The following SLCO3A1 variants were observed in gnomAD, a reference collection of about 807,000 sequenced individuals.
SLCO3A1 encodes the protein solute carrier organic anion transporter family member 3A1.
Under a neutral mutation model 63.1 loss-of-function variants are expected in SLCO3A1, and 27 were observed. That is an observed-to-expected ratio of 0.43 (90% CI 0.32 to 0.59). The LOEUF is 0.59. SLCO3A1 is among the 20% of genes least tolerant of loss of function. The pLI is 0.09. For synonymous variants in SLCO3A1, 473 were observed against 409.9 expected (o/e 1.15, Z -1.86); for missense variants, 773 against 945.8 (o/e 0.82, Z 2.40).
rs1346672593 is a variant in SLCO3A1, at chr15:91,992,342, C to T, written c.646+75884C>T. On this transcript the variant is annotated intron_variant, in intron 2 of 9. Transcript: ENST00000318445. ...AGCACTTCCACCCAATATTTACCGG[C>T]TTTCACTGCACATTCATACTGGGAA... 6.6e-5 allele frequency among the ~76,000 whole-genome samples: 10 copies of T among 152,218 alleles called. No individual in the cohort carries two copies. In the East Asian group the frequency reaches 1.7e-3, roughly 26 times the overall value.
At chr15:92,017,921 G>A (rs1292647636) in intron 2 of SLCO3A1, among the ~76,000 whole-genome samples, 1 of 152,194 alleles carries the variant, frequency 6.6e-6, no homozygotes, top group Non-Finnish European at 1.5e-5. Context: ...ACTCCTGGAA[G>A]GGCAGGAGGC....
intron 1 of SLCO3A1, among the ~76,000 whole-genome samples, chr15:91,879,498 G>T (rs117790781): frequency 6.7e-6 from 1 of 149,484 alleles, no homozygotes; most frequent in Non-Finnish European, 1.5e-5. Context: ...AATGGTGTGG[G>T]TATACAACCG....
In SLCO3A1 at chr15:91,875,883, C is replaced by A. The variant is rs1897387173; in HGVS notation, c.180+21795C>A. Among the ~76,000 whole-genome samples, 1 of 152,190 alleles carries A rather than the reference C, an allele frequency of 6.6e-6. No individual in the cohort carries two copies. Among genetic ancestry groups the A allele is most frequent in the Non-Finnish European group, 1.5e-5 (1 of 68,022 alleles). On this transcript the variant is annotated intron_variant, in intron 1 of 9. Coordinates refer to ENST00000318445, the MANE Select transcript of SLCO3A1 (RefSeq NM_013272.4). This position sits in a 1 kb window ranked among gnomAD's most constrained non-coding sequence, Gnocchi z 4.5. ...TCATCATGTGACAGAAACCATATTGCCTGCAAGTAATATGGCCTGCAAAGC... is the reference window on the plus strand; with the variant it reads ...TCATCATGTGACAGAAACCATATTGACTGCAAGTAATATGGCCTGCAAAGC...
At chr15:92,072,194 T>C (rs2047223801) in intron 2 of SLCO3A1, among the ~76,000 whole-genome samples, 1 of 149,850 alleles carries the variant, frequency 6.7e-6, no homozygotes. Context: ...CCACCATTCT[T>C]TTTTTTGGTT....
intron 2 of SLCO3A1, among the ~76,000 whole-genome samples, chr15:92,027,164 A>C (rs1279607525): frequency 6.6e-6 from 1 of 152,156 alleles, no homozygotes; most frequent in Non-Finnish European, 1.5e-5. Context: ...GGGAGTTGTC[A>C]TGAGCTCTCT....
chr15:92,140,576 G>C (rs1003327642), intron 7 of SLCO3A1, among the ~76,000 whole-genome samples: 10 of 152,056 alleles, frequency 6.6e-5, no homozygotes, highest in African/African-American at 2.4e-4. Context: ...TTGACAGTGG[G>C]GTGTTACAAG....
At chr15:92,083,429 A>C (rs902754645) in intron 2 of SLCO3A1, among the ~76,000 whole-genome samples, 2 of 152,144 alleles carry the variant, frequency 1.3e-5, no homozygotes, top group African/African-American at 4.8e-5. Context: ...GGATCTGAGC[A>C]GAGGTTTGAG....
At chr15:92,128,512 G>A in intron 7 of SLCO3A1, 23 bp downstream of exon 7, 1 of 1,572,462 alleles carries the variant, frequency 6.4e-7, no homozygotes, top group Non-Finnish European at 8.6e-7. Context: ...GGCAGGGGAT[G>A]GGGCAGGGGA....
intron 2 of SLCO3A1, among the ~76,000 whole-genome samples, chr15:91,921,977 C>T (rs7175919): frequency 3.9e-5 from 6 of 152,076 alleles, no homozygotes; most frequent in African/African-American, 7.2e-5. Flanking sequence ...TCAAGTGCTC[C>T]GCCTGCCTCG....
rs1597066970 is a variant in SLCO3A1, at chr15:91,863,314, C to T, written c.180+9226C>T. ...CCAGCTCCCCTTCTCTCCAGGGGTA[C>T]AGGAGGCTTGTCCTGGGTCTGTGGT... On this transcript the variant is annotated intron_variant, in intron 1 of 9. Transcript: ENST00000318445. This position sits in a 1 kb window ranked among gnomAD's most constrained non-coding sequence, Gnocchi z 4.3. 6.6e-6 allele frequency among the ~76,000 whole-genome samples: 1 copy of T among 152,362 alleles called. No homozygotes were observed. The highest frequency in any genetic ancestry group is 2.4e-5 in the African/African-American group (1 of 41,592).
At position 91,974,124 on chromosome 15, in the gene SLCO3A1, A is replaced by C. The variant is rs1517617; in HGVS notation, c.646+57666A>C. Among the ~76,000 whole-genome samples, 731 of 152,104 alleles carry C rather than the reference A, an allele frequency of 4.8e-3. 3 individuals carry two copies. Among genetic ancestry groups the C allele is most frequent in the Non-Finnish European group, 8.1e-3 (549 of 67,994 alleles). ...ACCCAAAGCCATCTGGAAAAGACTC[A>C]CGGGATGTGGGACATCACTCAAGGC... On this transcript the variant is annotated intron_variant, in intron 2 of 9. Coordinates refer to ENST00000318445, the MANE Select transcript of SLCO3A1 (RefSeq NM_013272.4).
At chr15:91,975,147 C>T (rs1174943020) in intron 2 of SLCO3A1, among the ~76,000 whole-genome samples, 1 of 152,206 alleles carries the variant, frequency 6.6e-6, no homozygotes, top group Admixed American at 6.5e-5. Flanking sequence ...GTGTTATTCT[C>T]TTTTTACCAT....
chr15:91,855,758 G>T (rs188128794), intron 1 of SLCO3A1, among the ~76,000 whole-genome samples: 1 of 152,206 alleles, frequency 6.6e-6, no homozygotes, highest in East Asian at 1.9e-4. Context: ...ATATATGTGG[G>T]TCTGTACTGT....
At position 91,938,135 on chromosome 15, in the gene SLCO3A1, A is replaced by G. The variant is rs1018439100; in HGVS notation, c.646+21677A>G. Among the ~76,000 whole-genome samples the G allele has an allele frequency of 7.9e-5, 12 of 152,332 alleles. No homozygotes were observed. The South Asian group carries it at 2.5e-3, about 32-fold the overall frequency. On this transcript the variant is annotated intron_variant, in intron 2 of 9. Transcript: ENST00000318445. ...GTTTTTGGAGATGAATTCAAATGCC[A>G]TCTCTGCCAGTGACCCTGCACAAGC...
At chr15:92,168,123 A>G (rs1160524360), downstream of SLCO3A1, among the ~76,000 whole-genome samples, 1 of 152,234 alleles carries the variant, frequency 6.6e-6, no homozygotes, top group Non-Finnish European at 1.5e-5. Context: ...GAACACAAAC[A>G]AAACCAATGG....
chr15:92,098,531 T>A (rs1014791427), intron 3 of SLCO3A1, among the ~76,000 whole-genome samples: 2 of 152,238 alleles, frequency 1.3e-5, no homozygotes, highest in African/African-American at 4.8e-5. Flanking sequence ...ACGGACTTAG[T>A]AGCAGAGTAC....
chr15:91,880,401 C>CTGTGTGTGTGTGTGTGTGTG (rs796110200), intron 1 of SLCO3A1, among the ~76,000 whole-genome samples: 29 of 133,478 alleles, frequency 2.2e-4, no homozygotes, highest in East Asian at 1.7e-3. Context: ...CTCTCTCTCT[C>CTGTGTGTGTGTGTGTGTGTG]TCTCTCTCTG....
chr15:92,056,052 T>G (rs2047017390), intron 2 of SLCO3A1, among the ~76,000 whole-genome samples: 1 of 152,216 alleles, frequency 6.6e-6, no homozygotes, highest in Middle Eastern at 3.4e-3. Flanking sequence ...GGTGGTATTT[T>G]CTCTGTTTTT....
At chr15:92,041,766 T>C (rs746266653) in intron 2 of SLCO3A1, among the ~76,000 whole-genome samples, 2 of 152,180 alleles carry the variant, frequency 1.3e-5, no homozygotes, top group Non-Finnish European at 2.9e-5. Context: ...CGAAATACCA[T>C]CTTAGGTACA....
Sources: gnomAD v4.1 joint callset for allele counts (sites outside exome capture counted in the v4.1 genomes callset) on GRCh38, gnomAD v4.1.1 for gene constraint, Gnocchi (gnomAD v3.1) non-coding constraint, MANE v1.5 for transcripts, NCBI Gene and HGNC (gene_info 2026-07-23, HGNC 2026-07-21) for gene names.